The following SPOCK1 variants were observed in gnomAD, a reference collection of about 807,000 sequenced individuals.
SPOCK1 encodes SPARC (osteonectin), cwcv and kazal like domains proteoglycan 1, also known as testican-1.
Under a neutral mutation model 55.3 loss-of-function variants are expected in SPOCK1, and 23 were observed. The ratio of observed to expected loss-of-function variants is 0.42; its 90% CI spans 0.30 to 0.59. The LOEUF is 0.59. SPOCK1 is among the 20% of genes least tolerant of loss of function. SPOCK1 has a pLI of 0.22. For missense variants in SPOCK1, 499 were observed against 552.5 expected (o/e 0.90, Z 0.97); for synonymous variants, 226 against 221.0 (o/e 1.02, Z -0.20).
intron 2 of SPOCK1, among the ~76,000 whole-genome samples, chr5:137,388,509 G>A (rs1345691989): frequency 6.6e-6 from 1 of 152,142 alleles, no homozygotes; most frequent in Non-Finnish European, 1.5e-5. Flanking sequence ...TGTCTAGAGT[G>A]TACAGGTCTA....
chr5:137,001,005 AAAAT>A (rs1013498887), intron 6 of SPOCK1, among the ~76,000 whole-genome samples: 3 of 152,220 alleles, frequency 2.0e-5, no homozygotes, highest in Non-Finnish European at 4.4e-5. Flanking sequence ...TCCGTCTCAA[AAAAT>A]AAATAAATAA....
At chr5:137,390,094 C>G (rs1409948044) in intron 2 of SPOCK1, among the ~76,000 whole-genome samples, 1 of 152,164 alleles carries the variant, frequency 6.6e-6, no homozygotes, top group Admixed American at 6.5e-5. Flanking sequence ...ATGTTCCCTA[C>G]TAAAGGAAAT....
intron 2 of SPOCK1, among the ~76,000 whole-genome samples, chr5:137,468,285 A>G (rs1208256798): frequency 6.6e-6 from 1 of 152,196 alleles, no homozygotes; most frequent in East Asian, 1.9e-4. Flanking sequence ...ACTCAAAATA[A>G]AGATGCTTTT....
At position 137,356,798 on chromosome 5, in the gene SPOCK1, AATATATATATATAT is replaced by A. The variant is rs1191051173; in HGVS notation, c.187-89757_187-89744del. Among the ~76,000 whole-genome samples, 86 of 13,736 alleles carry A rather than the reference AATATATATATATAT, an allele frequency of 6.3e-3. 4 individuals carry two copies. The highest frequency in any genetic ancestry group is 0.024 in the African/African-American group (67 of 2,812). The allele number at this position is 13,736 out of a possible 152,430, so 9.0% of individuals were successfully genotyped here. On this transcript the variant is annotated intron_variant, in intron 2 of 10. Coordinates refer to ENST00000394945, the MANE Select transcript of SPOCK1 (RefSeq NM_004598.4). ...AGAGCAAGACTGTCTCAAAAAAAAT[AATATATATATATAT>A]ATATATATATATATATATATATATA...
intron 2 of SPOCK1, among the ~76,000 whole-genome samples, chr5:137,343,528 C>G (rs149111267): frequency 3.3e-5 from 5 of 152,318 alleles, no homozygotes; most frequent in Non-Finnish European, 7.3e-5. Flanking sequence ...AGAAATCAAG[C>G]ACCTCACTGC....
intron 5 of SPOCK1, among the ~76,000 whole-genome samples, chr5:137,103,172 G>A (rs1753303948): frequency 6.6e-6 from 1 of 152,082 alleles, no homozygotes; most frequent in Non-Finnish European, 1.5e-5. Flanking sequence ...TGTATTTTTA[G>A]TAGAGACAGA....
chr5:137,219,274 T>C (rs895110795), intron 3 of SPOCK1, among the ~76,000 whole-genome samples: 4 of 152,182 alleles, frequency 2.6e-5, no homozygotes, highest in Non-Finnish European at 5.9e-5. Context: ...ATTCTGGCAG[T>C]GGGTGTCAAA....
intron 5 of SPOCK1, among the ~76,000 whole-genome samples, chr5:137,079,533 T>TCCGCC (rs766268018): frequency 3.1e-4 from 12 of 38,608 alleles, no homozygotes; most frequent in East Asian, 1.6e-3. Flanking sequence ...CCCATCTGAT[T>TCCGCC]CCCCCCCCCC....
chr5:137,138,511 ACACACACACACACACAC>A (rs1191270640), intron 4 of SPOCK1, among the ~76,000 whole-genome samples: 1 of 151,180 alleles, frequency 6.6e-6, no homozygotes, highest in Non-Finnish European at 1.5e-5. Flanking sequence ...ACATACACAC[ACACACACACACACACAC>A]CACACACACA....
At chr5:137,335,553 G>A (rs376635966) in intron 2 of SPOCK1, among the ~76,000 whole-genome samples, 2 of 152,212 alleles carry the variant, frequency 1.3e-5, no homozygotes, top group Admixed American at 6.5e-5. Flanking sequence ...TAACTGAAGA[G>A]TTAATAGCCA....
chr5:137,250,282 C>A (rs1269120018), intron 3 of SPOCK1, among the ~76,000 whole-genome samples: 3 of 152,112 alleles, frequency 2.0e-5, no homozygotes, highest in African/African-American at 4.8e-5. Context: ...TATTATCTGA[C>A]CTTTCACAAA....
chr5:137,466,458 A>G (rs1007565897), intron 2 of SPOCK1, among the ~76,000 whole-genome samples: 4 of 152,238 alleles, frequency 2.6e-5, no homozygotes, highest in Non-Finnish European at 1.5e-5. Flanking sequence ...CTGGAAGCTC[A>G]TAAAGTCAGG....
At position 136,992,476 on chromosome 5, in the gene SPOCK1, G is replaced by T. The variant is rs757313513; in HGVS notation, c.706+8C>A. On this transcript the variant is annotated splice_region_variant and intron_variant, in intron 7 of 10. Coordinates refer to ENST00000394945, the MANE Select transcript of SPOCK1 (RefSeq NM_004598.4). ...ATTGAGGAAATGTGATATTTAAAATGGTCTTACTGCCTTGGGCTGTGTTGG... is the reference window on the plus strand; with the variant it reads ...ATTGAGGAAATGTGATATTTAAAATTGTCTTACTGCCTTGGGCTGTGTTGG... The T allele has an allele frequency of 2.5e-6, 4 of 1,591,100 alleles. No homozygotes were observed. Among genetic ancestry groups the T allele is most frequent in the South Asian group, 1.1e-5 (1 of 88,272 alleles).
intron 2 of SPOCK1, among the ~76,000 whole-genome samples, chr5:137,396,646 G>T (rs1751855192): frequency 6.6e-6 from 1 of 152,130 alleles, no homozygotes; most frequent in Admixed American, 6.5e-5. Flanking sequence ...AACATTCTCT[G>T]GTTATCTACT....
intron 5 of SPOCK1, among the ~76,000 whole-genome samples, chr5:137,101,940 G>C (rs1003395326): frequency 1.3e-5 from 2 of 152,116 alleles, no homozygotes; most frequent in Non-Finnish European, 2.9e-5. Context: ...ACATGTCTGG[G>C]ATAAAAACTT....
intron 2 of SPOCK1, among the ~76,000 whole-genome samples, chr5:137,342,648 A>G (rs1475736750): frequency 6.6e-6 from 1 of 152,234 alleles, no homozygotes; most frequent in Non-Finnish European, 1.5e-5. Context: ...TTCACAGGTT[A>G]TTTAAAATAA....
intron 2 of SPOCK1, among the ~76,000 whole-genome samples, chr5:137,324,278 C>T (rs142981036): frequency 6.6e-6 from 1 of 152,258 alleles, no homozygotes; most frequent in African/African-American, 2.4e-5. Context: ...AACCCCATCT[C>T]TACTAAAAAT....
intron 6 of SPOCK1, among the ~76,000 whole-genome samples, chr5:137,049,228 CAG>C (rs1295823685): frequency 3.3e-5 from 2 of 60,458 alleles, no homozygotes; most frequent in Admixed American, 2.1e-4. Context: ...TAATATCCTG[CAG>C]AGTGTTTTCC....
chr5:137,202,054 T>C (rs928938786), intron 3 of SPOCK1, among the ~76,000 whole-genome samples: 1 of 152,192 alleles, frequency 6.6e-6, no homozygotes, highest in Non-Finnish European at 1.5e-5. Context: ...TGCTCAAGCC[T>C]GCTAAGGAAC....
Sources: allele counts gnomAD v4.1 joint callset (sites outside exome capture counted in the v4.1 genomes callset), GRCh38; gene constraint gnomAD v4.1.1; transcripts MANE v1.5; gene names NCBI Gene and HGNC (gene_info 2026-07-23, HGNC 2026-07-21).